EYA2: variants seen among roughly 807,000 people sequenced by gnomAD.
EYA2 encodes EYA transcriptional coactivator and phosphatase 2.
EYA2 carries 31 observed loss-of-function variants against 69.2 expected under a neutral mutation model. The observed-to-expected ratio is 0.45, with a 90% CI of 0.34 to 0.60. The LOEUF (loss-of-function observed/expected upper bound fraction) is 0.60. EYA2 is among the 20% of genes least tolerant of loss of function. The pLI is 0.02. For missense variants in EYA2, 622 were observed against 701.2 expected (o/e 0.89, Z 1.28); for synonymous variants, 257 against 279.4 (o/e 0.92, Z 0.80).
At chr20:47,175,810 C>T (rs1232825325) in intron 12 of EYA2, among the ~76,000 whole-genome samples, 1 of 152,104 alleles carries the variant, frequency 6.6e-6, no homozygotes, top group Non-Finnish European at 1.5e-5. Context: ...ACTGAGGGTT[C>T]CAGCTAAGGG....
intron 5 of EYA2, among the ~76,000 whole-genome samples, chr20:47,017,605 TGATAA>T: frequency 6.6e-6 from 1 of 151,966 alleles, no homozygotes; most frequent in East Asian, 1.9e-4. Context: ...GGAAAGCAGG[TGATAA>T]GCATTCATGC....
chr20:47,099,754 C>T (rs530625645), intron 9 of EYA2, among the ~76,000 whole-genome samples: 2 of 152,320 alleles, frequency 1.3e-5, no homozygotes, highest in South Asian at 4.1e-4. Flanking sequence ...GGACTTTCCT[C>T]AGTACTCCTC....
chr20:47,029,061 G>A (rs1208327087), intron 5 of EYA2, among the ~76,000 whole-genome samples: 1 of 152,196 alleles, frequency 6.6e-6, no homozygotes, highest in Non-Finnish European at 1.5e-5. Context: ...TGTACAGATT[G>A]GATTCAGCCC....
intron 2 of EYA2, among the ~76,000 whole-genome samples, chr20:46,992,018 C>CAGTCCCCG (rs1981704367): frequency 1.4e-5 from 2 of 146,850 alleles, no homozygotes; most frequent in East Asian, 2.0e-4. Flanking sequence ...TGGGCCCCCA[C>CAGTCCCCG]ATTCCCCGCT....
intron 11 of EYA2, among the ~76,000 whole-genome samples, chr20:47,169,594 A>C (rs747801786): frequency 1.3e-5 from 2 of 152,124 alleles, no homozygotes; most frequent in Non-Finnish European, 2.9e-5. Context: ...ATTTATTGCT[A>C]TTTTTTTCCT....
chr20:46,989,035 G>T (rs1170424620), intron 1 of EYA2, among the ~76,000 whole-genome samples: 1 of 151,996 alleles, frequency 6.6e-6, no homozygotes, highest in East Asian at 1.9e-4. Flanking sequence ...TACCAACATG[G>T]TGCAAGAATT....
intron 4 of EYA2, among the ~76,000 whole-genome samples, chr20:47,005,950 C>T (rs979704768): frequency 6.6e-6 from 1 of 152,194 alleles, no homozygotes; most frequent in Non-Finnish European, 1.5e-5. Flanking sequence ...CTGGAGGAAA[C>T]AGGGGAATTT....
intron 4 of EYA2, among the ~76,000 whole-genome samples, chr20:47,014,650 G>GTGTA (rs1983295011): frequency 6.6e-6 from 1 of 151,772 alleles, no homozygotes; most frequent in African/African-American, 2.4e-5. Flanking sequence ...GTGTGTGTGT[G>GTGTA]TGTGTGTGTG....
chr20:47,036,989 T>C lies in EYA2; in HGVS notation c.415+20692T>C, dbSNP rs774666554. On this transcript the variant is annotated intron_variant, in intron 5 of 15. Coordinates refer to ENST00000327619, the MANE Select transcript of EYA2 (RefSeq NM_005244.5). The stretch of plus-strand genomic sequence containing the variant: ...ACTGGGTAATGTATAAAGGAAAGAG[T>C]TTTTATTGACTCATAGTTTAACATG... 3.7e-4 allele frequency among the ~76,000 whole-genome samples: 56 copies of C among 151,164 alleles called. 1 individual carries two copies. Among genetic ancestry groups the C allele is most frequent in the Non-Finnish European group, 7.4e-5 (5 of 67,822 alleles).
intron 8 of EYA2, among the ~76,000 whole-genome samples, chr20:47,092,963 G>A (rs2032130867): frequency 6.6e-6 from 1 of 152,174 alleles, no homozygotes. Context: ...AGCTACTTAG[G>A]TGAAAAAGCA....
At chr20:47,178,527 A>C (rs2034468110) in intron 12 of EYA2, among the ~76,000 whole-genome samples, 1 of 152,048 alleles carries the variant, frequency 6.6e-6, no homozygotes, top group Non-Finnish European at 1.5e-5. Context: ...GCGGCAGGAG[A>C]TGAAACTCAG....
Position 47,169,211 on chromosome 20 carries a change from G to T in EYA2, c.1037+14G>T, listed in dbSNP as rs758321256. ...CCAAGATTTAAGGTGGGAATTTGGG[G>T]AGTCAAAAATGCCCATTGATTGATT... On this transcript the variant is annotated intron_variant, in intron 11 of 15. Transcript: ENST00000327619. 2.5e-6 allele frequency: 4 copies of T among 1,612,964 alleles called. No individual in the cohort carries two copies. Among genetic ancestry groups the T allele is most frequent in the Non-Finnish European group, 3.4e-6 (4 of 1,179,002 alleles).
At chr20:47,112,142 A>G (rs530513758) in intron 9 of EYA2, among the ~76,000 whole-genome samples, 2 of 152,270 alleles carry the variant, frequency 1.3e-5, no homozygotes, top group Admixed American at 6.5e-5. Context: ...CCGCTGTCTC[A>G]AGCAAACAAA....
intron 10 of EYA2, among the ~76,000 whole-genome samples, chr20:47,144,806 C>A (rs550451123): frequency 2.0e-5 from 3 of 152,314 alleles, no homozygotes; most frequent in Admixed American, 6.5e-5. Context: ...AGGCTTGGGA[C>A]TGTCTCTATT....
intron 9 of EYA2, among the ~76,000 whole-genome samples, chr20:47,117,249 A>G (rs907714672): frequency 6.6e-6 from 1 of 152,050 alleles, no homozygotes; most frequent in Non-Finnish European, 1.5e-5. Flanking sequence ...GCCTCAAATG[A>G]TCCGCCCGCC....
At chr20:46,991,968 C>CAAAAAAAAA (rs36163121) in intron 2 of EYA2, among the ~76,000 whole-genome samples, 5 of 79,246 alleles carry the variant, frequency 6.3e-5, no homozygotes, top group Non-Finnish European at 1.2e-4. Flanking sequence ...GACTCCGTCT[C>CAAAAAAAAA]AAAAAAAAAA....
At chr20:47,085,380 G>A (rs995976569) in intron 7 of EYA2, among the ~76,000 whole-genome samples, 5 of 152,044 alleles carry the variant, frequency 3.3e-5, no homozygotes, top group African/African-American at 1.2e-4. Context: ...GGGCATGGTG[G>A]CTCATGCCTA....
At chr20:46,898,241 G>T (rs1460101405) in intron 1 of EYA2, among the ~76,000 whole-genome samples, 2 of 141,836 alleles carry the variant, frequency 1.4e-5, no homozygotes, top group African/African-American at 2.5e-5. Flanking sequence ...GGTTTTTTGG[G>T]TTTTTGTGTT....
chr20:47,171,231 G>A (rs905960367), intron 11 of EYA2, among the ~76,000 whole-genome samples: 2 of 152,200 alleles, frequency 1.3e-5, no homozygotes, highest in African/African-American at 4.8e-5. Context: ...TCTGAACCCT[G>A]TCTCATGCTG....
Sources: gnomAD v4.1 joint callset for allele counts (sites outside exome capture counted in the v4.1 genomes callset) on GRCh38, gnomAD v4.1.1 for gene constraint, MANE v1.5 for transcripts, NCBI Gene and HGNC (gene_info 2026-07-23, HGNC 2026-07-21) for gene names.